The following HSF2BP variants were observed in gnomAD, a reference collection of about 807,000 sequenced individuals.
HSF2BP encodes the protein heat shock factor 2-binding protein.
HSF2BP carries 35 observed loss-of-function variants against 35.0 expected under a neutral mutation model. The ratio of observed to expected loss-of-function variants is 1.00; its 90% confidence interval spans 0.76 to 1.32. HSF2BP has a LOEUF of 1.32. Ranked by LOEUF, HSF2BP falls within the 40% of genes most tolerant of loss-of-function variation. The probability of loss-of-function intolerance (pLI) is 0.00; values close to 1 mark genes in which losing one functional copy is unlikely to be tolerated. For missense variants in HSF2BP, 326 were observed against 321.7 expected (o/e 1.01, Z -0.10); for synonymous variants, 114 against 117.4 (o/e 0.97, Z 0.18).
chr21:43,651,854 C>A (rs554041040), intron 3 of HSF2BP, among the ~76,000 whole-genome samples: 233 of 152,328 alleles, frequency 1.5e-3, no homozygotes, highest in African/African-American at 5.4e-3. Context: ...TCTCAGGCAA[C>A]ACCTTCGTCA....
rs1336424048 is a variant in HSF2BP, at chr21:43,613,899, C to T, written c.623G>A (p.Arg208Gln). ...CTGCAATATGGTGTCCAAGAGCACC[C>T]GGCTTGAATTAACCAAGAATTCACG... is the stretch of plus-strand genomic sequence containing the variant. ...CGREFLVNSS[R>Q]VLLDTILQLL... Residue 208 changes from arginine to glutamine, a missense_variant, in exon 7 of 9, where the codon CGG (arginine) becomes CAG (glutamine). Transcript: ENST00000291560. 4 of 1,610,722 alleles carry T rather than the reference C, an allele frequency of 2.5e-6. No individual in the cohort carries two copies. The highest frequency in any genetic ancestry group is 1.1e-5 in the South Asian group (1 of 89,948).
At chr21:43,649,515 T>C (rs1295076859) in intron 3 of HSF2BP, among the ~76,000 whole-genome samples, 3 of 152,154 alleles carry the variant, frequency 2.0e-5, no homozygotes, top group Admixed American at 6.5e-5. Flanking sequence ...CTGCTGATAT[T>C]TTCAATGACC....
chr21:43,623,556 C>T (rs773226113), intron 6 of HSF2BP, among the ~76,000 whole-genome samples: 1 of 152,120 alleles, frequency 6.6e-6, no homozygotes, highest in Non-Finnish European at 1.5e-5. Flanking sequence ...TGTCCATGCC[C>T]AGAAGAGATC....
At chr21:43,593,431 C>T (rs1201154869) in intron 7 of HSF2BP, among the ~76,000 whole-genome samples, 1 of 152,018 alleles carries the variant, frequency 6.6e-6, no homozygotes, top group African/African-American at 2.4e-5. Context: ...GAGTTCATAA[C>T]AAAAATCATA....
chr21:43,621,244 A>G (rs2082328062), intron 6 of HSF2BP, among the ~76,000 whole-genome samples: 1 of 152,218 alleles, frequency 6.6e-6, no homozygotes, highest in Non-Finnish European at 1.5e-5. Flanking sequence ...TATACAAGCC[A>G]GGCTGGGCAC....
chr21:43,647,789 C>T lies in HSF2BP; in HGVS notation c.188-3397G>A, dbSNP rs146545016. ...ACTAAAAATACAAAAATTAGCCCAGCGTGGTGGTACACGCCCATAGTCCCA... is the reference window on the plus strand; with the variant it reads ...ACTAAAAATACAAAAATTAGCCCAGTGTGGTGGTACACGCCCATAGTCCCA... On this transcript the variant is annotated intron_variant, in intron 3 of 8. Coordinates refer to ENST00000291560, the MANE Select transcript of HSF2BP (RefSeq NM_007031.2). Among the ~76,000 whole-genome samples, 416 of 151,984 alleles carry T rather than the reference C, an allele frequency of 2.7e-3. 1 individual carries two copies. Among genetic ancestry groups the T allele is most frequent in the African/African-American group, 8.9e-3 (367 of 41,454 alleles).
chr21:43,606,192 G>C (rs1216725179), intron 7 of HSF2BP, among the ~76,000 whole-genome samples: 1 of 152,254 alleles, frequency 6.6e-6, no homozygotes, highest in Non-Finnish European at 1.5e-5. Flanking sequence ...GTGGAAATGA[G>C]TGGGAGCTGA....
At chr21:43,658,691 T>C (rs1226880775) in intron 1 of HSF2BP, among the ~76,000 whole-genome samples, 1 of 152,178 alleles carries the variant, frequency 6.6e-6, no homozygotes, top group Non-Finnish European at 1.5e-5. Context: ...TTCTTCCCTC[T>C]CTGGAATTAG....
Position 43,637,930 on chromosome 21 carries a change from A to C in HSF2BP, c.292-4509T>G, listed in dbSNP as rs2082586407. On this transcript the variant is annotated intron_variant, in intron 4 of 8. Transcript: ENST00000291560. ...ATCATAATTAACGCTGAAAGATTGA[A>C]TACTTTCCCCTGAGATCAGGAACAA... 2.0e-5 allele frequency among the ~76,000 whole-genome samples: 3 copies of C among 152,244 alleles called. 1 individual carries two copies. Among genetic ancestry groups the C allele is most frequent in the Admixed American group, 2.0e-4 (3 of 15,288 alleles).
At chr21:43,643,373 G>T (rs902807970) in intron 4 of HSF2BP, among the ~76,000 whole-genome samples, 13 of 152,172 alleles carry the variant, frequency 8.5e-5, no homozygotes, top group African/African-American at 3.1e-4. Context: ...AGTGAGAGGT[G>T]TATGGGTCAT....
chr21:43,633,456 G>C, intron 4 of HSF2BP, 35 bp from the exon 5 acceptor site: 1 of 1,551,630 alleles, frequency 6.4e-7, no homozygotes, highest in Non-Finnish European at 8.8e-7. Context: ...ATAAATAATA[G>C]CATTCAACCT....
intron 7 of HSF2BP, among the ~76,000 whole-genome samples, chr21:43,595,726 AT>A (rs770855952): frequency 3.4e-3 from 200 of 58,360 alleles, no homozygotes; most frequent in Admixed American, 6.7e-3. Flanking sequence ...TAAGAGGCTA[AT>A]TTTTTTTTTT....
chr21:43,622,018 T>C (rs2082336660), intron 6 of HSF2BP, among the ~76,000 whole-genome samples: 1 of 152,056 alleles, frequency 6.6e-6, no homozygotes, highest in Non-Finnish European at 1.5e-5. Flanking sequence ...AGTCAAAATA[T>C]GGGGGATGGA....
intron 5 of HSF2BP, among the ~76,000 whole-genome samples, chr21:43,631,984 C>CCAA (rs2082466933): frequency 5.7e-5 from 1 of 17,492 alleles, no homozygotes; most frequent in African/African-American, 3.1e-4. Flanking sequence ...ACACGCTCCC[C>CCAA]ACACACACAC....
intron 6 of HSF2BP, among the ~76,000 whole-genome samples, chr21:43,626,661 T>A (rs2146978829): frequency 6.6e-6 from 1 of 152,354 alleles, no homozygotes; most frequent in East Asian, 1.9e-4. Context: ...TTCTTCACTT[T>A]GGAACCCTGA....
chr21:43,467,939 A>AC, the HSF2BP span, among the ~76,000 whole-genome samples: 1 of 90,266 alleles, frequency 1.1e-5, no homozygotes, highest in African/African-American at 4.5e-5. Flanking sequence ...CACCACACAC[A>AC]CACACCACAC....
At chr21:43,615,012 C>T (rs192826909) in intron 6 of HSF2BP, among the ~76,000 whole-genome samples, 42 of 152,330 alleles carry the variant, frequency 2.8e-4, no homozygotes, top group African/African-American at 9.9e-4. Flanking sequence ...AAGACCAGAC[C>T]GAGTAATTAC....
chr21:43,582,028 C>A (rs34691989), intron 8 of HSF2BP, among the ~76,000 whole-genome samples: 3,691 of 91,454 alleles, frequency 0.04, 217 homozygotes, highest in Non-Finnish European at 0.061. Context: ...GGGATGAGGG[C>A]CTGCTGAGGG....
chr21:43,496,017 G>GCACA, the HSF2BP span, among the ~76,000 whole-genome samples: 134 of 121,958 alleles, frequency 1.1e-3, 10 homozygotes, highest in African/African-American at 3.8e-3. Context: ...AAACACACGT[G>GCACA]CACACACACA....
Sources: allele counts gnomAD v4.1 joint callset (sites outside exome capture counted in the v4.1 genomes callset), GRCh38; gene constraint gnomAD v4.1.1; transcripts MANE v1.5; gene names NCBI Gene and HGNC (gene_info 2026-07-23, HGNC 2026-07-21).